The following REXO5 variants were observed in gnomAD, a reference collection of about 807,000 sequenced individuals.
The protein encoded by REXO5 is exonuclease NEF-sp.
Under a neutral mutation model 88.5 loss-of-function variants are expected in REXO5, and 48 were observed. The observed-to-expected ratio is 0.54, with a 90% CI of 0.43 to 0.69. The LOEUF is 0.69. Among genes scored for constraint, REXO5 ranks in the 30% least tolerant of loss-of-function variants. The probability of loss-of-function intolerance (pLI) is 0.00; values close to 1 mark genes in which losing one functional copy is unlikely to be tolerated. For synonymous variants in REXO5, 311 were observed against 336.5 expected, an observed-to-expected ratio of 0.92 and a Z score of 0.83; for missense variants, 749 against 912.2, an observed-to-expected ratio of 0.82 and a Z score of 2.30.
intron 5 of REXO5, among the ~76,000 whole-genome samples, chr16:20,820,250 T>C (rs953511415): frequency 2.0e-5 from 3 of 152,036 alleles, no homozygotes; most frequent in African/African-American, 4.8e-5. Context: ...ATTACTGGTC[T>C]ACTGACAAAC....
intron 3 of REXO5, among the ~76,000 whole-genome samples, chr16:20,813,974 T>C (rs2081042849): frequency 6.6e-6 from 1 of 152,158 alleles, no homozygotes; most frequent in Non-Finnish European, 1.5e-5. Context: ...TTTGTATGTA[T>C]GCAAATAATA....
At position 20,840,431 on chromosome 16, in the gene REXO5, C is replaced by A. The variant is rs777076367; in HGVS notation, c.1589C>A (p.Pro530Gln). 1 of 1,566,244 alleles carries A rather than the reference C, an allele frequency of 6.4e-7. No individual in the cohort carries two copies. The change falls in exon 15 of 20, where the codon CCA becomes CAA. Residue 530 changes from proline to glutamine, a missense_variant. Transcript: ENST00000261377. ...AAGAGGCTGTTTAAAAGCTTTGGCC[C>A]AGTCCAGTCAATGACTTTTGTTCTT... The part of the protein sequence containing the change: ...ALKRLFKSFG[P>Q]VQSMTFVLET...
chr16:20,826,138 T>G (rs1013321764), intron 8 of REXO5, among the ~76,000 whole-genome samples, 190 bp downstream of exon 8: 1 of 152,384 alleles, frequency 6.6e-6, no homozygotes, highest in Admixed American at 6.5e-5. Flanking sequence ...CTTGCCCTTC[T>G]TGATCTTCAA....
intron 2 of REXO5, among the ~76,000 whole-genome samples, chr16:20,810,037 GACA>G (rs1292333491): frequency 6.6e-6 from 1 of 152,154 alleles, no homozygotes; most frequent in Non-Finnish European, 1.5e-5. Context: ...CTTTTGACAT[GACA>G]ACATCATTCT....
chr16:20,809,653 A>G (rs1385403261), intron 2 of REXO5, among the ~76,000 whole-genome samples: 1 of 152,232 alleles, frequency 6.6e-6, no homozygotes, highest in African/African-American at 2.4e-5. Flanking sequence ...TTGTCCCATT[A>G]TTGGTGATAT....
At chr16:20,813,152 C>A (rs1304966464) in intron 2 of REXO5, 38 bp from the exon 3 acceptor site, 2 of 1,338,844 alleles carry the variant, frequency 1.5e-6, no homozygotes, top group Admixed American at 1.7e-5. Flanking sequence ...TTCTTGATAA[C>A]CAATAATGGC....
At chr16:20,831,672 C>T (rs1011140465) in intron 11 of REXO5, among the ~76,000 whole-genome samples, 12 of 152,046 alleles carry the variant, frequency 7.9e-5, no homozygotes, top group African/African-American at 2.9e-4. Flanking sequence ...TCCCACTTTA[C>T]GGAAGGAGAA....
At chr16:20,828,274 G>A (rs2081287320) in intron 10 of REXO5, among the ~76,000 whole-genome samples, 161 bp from the exon 11 acceptor site, 1 of 152,138 alleles carries the variant, frequency 6.6e-6, no homozygotes, top group Non-Finnish European at 1.5e-5. Context: ...TCCTCTCGCA[G>A]GGCTGGGCAA....
rs142354017 is a variant in REXO5, at chr16:20,847,774, G to A, written c.2243+1435G>A. Reference sequence around the variant, plus strand: ...TTTTGGTTAAGATGTGGGCTCTGGGGAACAGACAGACTTGCTCCTCAGGGG... The same window carrying A: ...TTTTGGTTAAGATGTGGGCTCTGGGAAACAGACAGACTTGCTCCTCAGGGG... On this transcript the variant is annotated intron_variant, in intron 19 of 19. Coordinates refer to ENST00000261377, the MANE Select transcript of REXO5 (RefSeq NM_030941.3). 7.9e-5 allele frequency among the ~76,000 whole-genome samples: 12 copies of A among 152,316 alleles called. No individual in the cohort carries two copies. In the East Asian group the frequency reaches 1.5e-3, roughly 20 times the overall value.
Position 20,807,044 on chromosome 16 carries a change from G to A in REXO5, c.91G>A (p.Ala31Thr). Reference sequence around the variant, plus strand: ...AAATAAGCTGGTCGGGGCAGCTGAGGCGATGAAAGCCGGTTGGGATCTCGA... The same window carrying A: ...AAATAAGCTGGTCGGGGCAGCTGAGACGATGAAAGCCGGTTGGGATCTCGA... Reference protein sequence around the residue: ...APNKLVGAAEAMKAGWDLEES... With the variant: ...APNKLVGAAETMKAGWDLEES... The change falls in exon 2 of 20, where the codon GCG becomes ACG. Residue 31 changes from alanine to threonine, a missense_variant. By Grantham distance (58) the Ala-to-Thr change is moderately conservative. Transcript: ENST00000261377. 6.2e-7 allele frequency: 1 copy of A among 1,604,616 alleles called. No individual in the cohort carries two copies. Among genetic ancestry groups the A allele is most frequent in the Non-Finnish European group, 8.5e-7 (1 of 1,176,372 alleles).
rs529351446 is a variant in REXO5 at position 20,817,697 on chromosome 16, G to C, written c.475+1485G>C. ...CCTAAGTATTTCACTTCATTTTCCA[G>C]TGCTAAATATCAGAGTCCCCAAGGC... On this transcript the variant is annotated intron_variant, in intron 5 of 19. Coordinates refer to ENST00000261377, the MANE Select transcript of REXO5 (RefSeq NM_030941.3). 1.6e-4 allele frequency among the ~76,000 whole-genome samples: 24 copies of C among 152,296 alleles called. No individual in the cohort carries two copies. The South Asian group carries it at 5.0e-3, about 32-fold the overall frequency.
intron 4 of REXO5, among the ~76,000 whole-genome samples, chr16:20,815,804 A>C (rs2081073334): frequency 6.6e-6 from 1 of 152,210 alleles, no homozygotes; most frequent in South Asian, 2.1e-4. Flanking sequence ...TTCTGATGGC[A>C]ATGGCATGCT....
chr16:20,829,787 C>T (rs2081313334), intron 11 of REXO5, among the ~76,000 whole-genome samples: 1 of 152,196 alleles, frequency 6.6e-6, no homozygotes, highest in South Asian at 2.1e-4. Flanking sequence ...TCTGAGGTCC[C>T]ACAGTCAGTC....
In REXO5 at chr16:20,840,090, T is replaced by C. The variant is rs1230557379; in HGVS notation, c.1488+231T>C. ...TATATCATACATCTTTCTGTATCAC[T>C]ACATATCTTATTTCCCTTGTTTTTA... On this transcript the variant is annotated intron_variant, in intron 14 of 19. Transcript: ENST00000261377. The C allele has an allele frequency of 7.5e-6, 4 of 531,174 alleles. No individual in the cohort carries two copies. In the South Asian group the frequency reaches 1.3e-4, roughly 18 times the overall value. 32.9% of individuals were successfully genotyped at this position (531,174 alleles called of 1,614,324 possible). A position where few individuals can be genotyped will look rare whatever the true frequency, so the allele number is the denominator to read the frequency against.
chr16:20,819,994 A>G (rs1232599095), intron 5 of REXO5, among the ~76,000 whole-genome samples: 1 of 152,096 alleles, frequency 6.6e-6, no homozygotes, highest in East Asian at 1.9e-4. Context: ...GGACTCAAGC[A>G]ATCCTCTTGC....
At chr16:20,823,096 G>A (rs981886914) in intron 6 of REXO5, among the ~76,000 whole-genome samples, 1 of 152,148 alleles carries the variant, frequency 6.6e-6, no homozygotes, top group Non-Finnish European at 1.5e-5. Context: ...ATGAAGTGGT[G>A]TCTCATTGTG....
chr16:20,825,575 A>G (rs1022110474), intron 7 of REXO5: 3 of 405,996 alleles, frequency 7.4e-6, no homozygotes, highest in Admixed American at 4.0e-5. Flanking sequence ...CACTCCATAA[A>G]TGGTAGATAC....
intron 5 of REXO5, among the ~76,000 whole-genome samples, chr16:20,819,149 AT>A (rs998063860): frequency 2.6e-5 from 4 of 151,212 alleles, no homozygotes; most frequent in South Asian, 2.1e-4. Flanking sequence ...TATGTACCAC[AT>A]TTTTTTTTAT....
chr16:20,846,372 C>G (rs759769905), intron 19 of REXO5, 33 bp downstream of exon 19: 2 of 1,516,686 alleles, frequency 1.3e-6, no homozygotes, highest in East Asian at 2.3e-5. Context: ...CTTCAGGACT[C>G]TGTCCCCTGG....
Sources: gnomAD v4.1 joint callset for allele counts (sites outside exome capture counted in the v4.1 genomes callset) on GRCh38, gnomAD v4.1.1 for gene constraint, MANE v1.5 for transcripts, NCBI Gene and HGNC (gene_info 2026-07-23, HGNC 2026-07-21) for gene names.